HERC3: variants seen among roughly 807,000 people sequenced by gnomAD.
HERC3 encodes probable E3 ubiquitin-protein ligase HERC3.
HERC3 carries 58 observed loss-of-function variants against 129.9 expected under a neutral mutation model. The observed-to-expected ratio is 0.45, with a 90% CI of 0.36 to 0.56. The LOEUF is 0.56. Ranked by LOEUF, HERC3 falls within the 20% of genes least tolerant of loss-of-function variation. The pLI is 0.00. For synonymous variants in HERC3, 430 were observed against 451.0 expected, an observed-to-expected ratio of 0.95 and a Z score of 0.59; for missense variants, 835 against 1,244.2, an observed-to-expected ratio of 0.67 and a Z score of 4.95.
intron 2 of HERC3, among the ~76,000 whole-genome samples, 180 bp downstream of exon 2, chr4:88,595,794 A>G (rs1054839347): frequency 1.3e-5 from 2 of 150,852 alleles, no homozygotes; most frequent in Non-Finnish European, 3.0e-5. Context: ...AGGTGAGCCC[A>G]AGAAGTAGGA....
the HERC3 span, among the ~76,000 whole-genome samples, chr4:88,548,726 T>C: frequency 6.6e-6 from 1 of 151,670 alleles, no homozygotes; most frequent in African/African-American, 2.4e-5. Context: ...AGTGGCACCA[T>C]CTCGGCTCAT....
chr4:88,671,460 A>G (rs1731603608), intron 16 of HERC3, among the ~76,000 whole-genome samples: 1 of 152,172 alleles, frequency 6.6e-6, no homozygotes, highest in Non-Finnish European at 1.5e-5. Flanking sequence ...TTTTTTCTCT[A>G]GAGACTTAAA....
chr4:88,599,037 A>G (rs1248818911), intron 2 of HERC3, among the ~76,000 whole-genome samples: 1 of 152,236 alleles, frequency 6.6e-6, no homozygotes, highest in Non-Finnish European at 1.5e-5. Flanking sequence ...CTGCTCTTCT[A>G]GGAGCAAGCA....
At chr4:88,701,864 G>A (rs1025999508) in intron 23 of HERC3, among the ~76,000 whole-genome samples, 5 of 149,546 alleles carry the variant, frequency 3.3e-5, no homozygotes, top group African/African-American at 5.0e-5. Flanking sequence ...GTACAGTGGC[G>A]TGATCATGGC....
chr4:88,644,072 G>C (rs564465433), intron 3 of HERC3, among the ~76,000 whole-genome samples: 1 of 152,074 alleles, frequency 6.6e-6, no homozygotes, highest in East Asian at 1.9e-4. Flanking sequence ...AATTAAAACC[G>C]TAATGAAATA....
chr4:88,649,082 G>A (rs1423240330), intron 3 of HERC3, among the ~76,000 whole-genome samples: 1 of 152,040 alleles, frequency 6.6e-6, no homozygotes, highest in Admixed American at 6.6e-5. Flanking sequence ...TTTTTTCAGA[G>A]TTCATTTCCT....
intron 25 of HERC3, among the ~76,000 whole-genome samples, chr4:88,706,004 C>T (rs1049979457): frequency 6.6e-6 from 1 of 152,208 alleles, no homozygotes; most frequent in Non-Finnish European, 1.5e-5. Flanking sequence ...AGGGCTGTGA[C>T]ATTCAAGAGA....
intron 6 of HERC3, 43 bp downstream of exon 6, chr4:88,653,133 A>G (rs1193017559): frequency 3.8e-6 from 6 of 1,582,472 alleles, no homozygotes; most frequent in Admixed American, 1.7e-5. Context: ...TTAAAAGCAC[A>G]TTCATTTAAC....
At chr4:88,549,320 TA>T in the HERC3 span, among the ~76,000 whole-genome samples, 2,397 of 148,584 alleles carry the variant, frequency 0.016, 54 homozygotes, top group African/African-American at 0.051. Flanking sequence ...TAACTTTTTT[TA>T]AAAAAAAAAA....
chr4:88,679,220 G>A (rs1732490650), intron 19 of HERC3, among the ~76,000 whole-genome samples: 1 of 152,140 alleles, frequency 6.6e-6, no homozygotes, highest in South Asian at 2.1e-4. Flanking sequence ...TTGTTGATTT[G>A]CTGTAGTTGT....
At chr4:88,667,318 T>A in intron 12 of HERC3, 59 bp from the exon 13 acceptor site, 1 of 849,228 alleles carries the variant, frequency 1.2e-6, no homozygotes, top group Non-Finnish European at 1.9e-6. Flanking sequence ...TGTTTATAAT[T>A]CCTATCAGAG....
rs568127307 is a variant in HERC3, at chr4:88,681,601, A to G, written c.2507+276A>G. Among the ~76,000 whole-genome samples the G allele has an allele frequency of 1.7e-4, 26 of 152,352 alleles. No individual in the cohort carries two copies. In the South Asian group the frequency reaches 3.3e-3, roughly 19 times the overall value. On this transcript the variant is annotated intron_variant, in intron 21 of 25. Coordinates refer to ENST00000402738, the MANE Select transcript of HERC3 (RefSeq NM_014606.3). ...TGCTCAAGTCCTGCAGGGGCCCTAG[A>G]AGAACCCATGGATTGGAAAAGTTGA...
chr4:88,592,920 C>A (rs1721879637), intron 1 of HERC3, among the ~76,000 whole-genome samples: 1 of 151,842 alleles, frequency 6.6e-6, no homozygotes, highest in African/African-American at 2.4e-5. Context: ...GCCCTGCCGC[C>A]CGGGAGGAAT....
intron 23 of HERC3, chr4:88,697,260 C>G (rs375307774): frequency 6.4e-7 from 1 of 1,566,276 alleles, no homozygotes; most frequent in Non-Finnish European, 8.6e-7. Flanking sequence ...GTTTGGCCCC[C>G]GCGGCAGCCT....
At chr4:88,681,613 A>G (rs1445587990) in intron 21 of HERC3, among the ~76,000 whole-genome samples, 1 of 152,244 alleles carries the variant, frequency 6.6e-6, no homozygotes, top group Non-Finnish European at 1.5e-5. Context: ...GAACCCATGG[A>G]TTGGAAAAGT....
the HERC3 span, among the ~76,000 whole-genome samples, chr4:88,551,292 T>G: frequency 6.6e-6 from 1 of 151,206 alleles, no homozygotes; most frequent in East Asian, 1.9e-4. Flanking sequence ...TGGGATCTAA[T>G]TAAACTAAAG....
intron 3 of HERC3, among the ~76,000 whole-genome samples, chr4:88,647,318 C>G (rs966992672): frequency 6.6e-6 from 1 of 152,170 alleles, no homozygotes; most frequent in African/African-American, 2.4e-5. Flanking sequence ...AGGCCATATA[C>G]TAACATTCAG....
At chr4:88,680,354 A>G (rs1383216375) in intron 20 of HERC3, 118 bp downstream of exon 20, 8 of 692,310 alleles carry the variant, frequency 1.2e-5, no homozygotes, top group Non-Finnish European at 1.8e-5. Flanking sequence ...TAATAATTCA[A>G]AATGTTTATA....
intron 23 of HERC3, chr4:88,690,647 T>G: frequency 1.0e-6 from 1 of 982,780 alleles, no homozygotes; most frequent in Non-Finnish European, 1.2e-6. Context: ...GGCAATGTAG[T>G]CTGCAATTGA....
Sources: allele counts gnomAD v4.1 joint callset (sites outside exome capture counted in the v4.1 genomes callset), GRCh38; gene constraint gnomAD v4.1.1; transcripts MANE v1.5; gene names NCBI Gene and HGNC (gene_info 2026-07-23, HGNC 2026-07-21).